Variants in RBM26 observed in about 807,000 individuals in gnomAD.
RBM26 encodes RNA-binding protein 26.
Under a neutral mutation model 123.6 loss-of-function variants are expected in RBM26, and 30 were observed. That is an observed-to-expected ratio of 0.24 (90% CI 0.18 to 0.33). The LOEUF is 0.33. Among genes scored for constraint, RBM26 ranks in the 10% least tolerant of loss-of-function variants. The pLI, the probability that RBM26 is intolerant of heterozygous loss-of-function variation, is 1.00. For missense variants in RBM26, 947 were observed against 1,203.6 expected (o/e 0.79, Z 3.15); for synonymous variants, 400 against 404.4 (o/e 0.99, Z 0.13).
intron 3 of RBM26, 138 bp from the exon 4 acceptor site, chr13:79,372,068 CG>C: frequency 3.3e-6 from 2 of 601,482 alleles, no homozygotes; most frequent in South Asian, 2.1e-5. Flanking sequence ...TTCACGAAGT[CG>C]GAAGTTCGAC....
At chr13:79,360,202 A>G (rs1312365254) in intron 9 of RBM26, among the ~76,000 whole-genome samples, 1 of 152,096 alleles carries the variant, frequency 6.6e-6, no homozygotes, top group Non-Finnish European at 1.5e-5. Flanking sequence ...AAACTTTATC[A>G]CAGGTGTGAC....
At chr13:79,377,151 C>T in intron 3 of RBM26, 1 of 410,944 alleles carries the variant, frequency 2.4e-6, no homozygotes. Context: ...TGGACTTGGC[C>T]TCATACACCT....
intron 20 of RBM26, among the ~76,000 whole-genome samples, chr13:79,329,986 C>A (rs2069041089): frequency 2.0e-5 from 3 of 152,114 alleles, no homozygotes; most frequent in South Asian, 2.1e-4. Context: ...TGAAATGATA[C>A]AGTGACTGTG....
chr13:79,344,918 T>C, intron 14 of RBM26, 124 bp from the exon 15 acceptor site: 2 of 773,566 alleles, frequency 2.6e-6, no homozygotes, highest in Non-Finnish European at 4.0e-6. Flanking sequence ...GAACTAAATG[T>C]ATTTTATACT....
intron 8 of RBM26, 141 bp from the exon 9 acceptor site, chr13:79,365,859 A>T: frequency 1.0e-6 from 1 of 957,810 alleles, no homozygotes; most frequent in Non-Finnish European, 1.5e-6. Flanking sequence ...AAATAACTTT[A>T]TTTAAAAAAG....
intron 20 of RBM26, among the ~76,000 whole-genome samples, chr13:79,331,604 C>T (rs1296028307): frequency 6.6e-6 from 1 of 151,840 alleles, no homozygotes; most frequent in African/African-American, 2.4e-5. Context: ...CCACTGCACT[C>T]CAGCCTGGGC....
chr13:79,322,247 G>A, intron 21 of RBM26, 102 bp downstream of exon 21: 2 of 691,100 alleles, frequency 2.9e-6, no homozygotes, highest in Non-Finnish European at 4.6e-6. Context: ...CTATGGGTCA[G>A]GAATAAAAGT....
intron 9 of RBM26, among the ~76,000 whole-genome samples, chr13:79,361,374 G>A (rs965614253): frequency 6.6e-6 from 1 of 151,872 alleles, no homozygotes; most frequent in African/African-American, 2.4e-5. Context: ...TTAAAAAAAA[G>A]AAACTCTCGT....
intron 1 of RBM26, among the ~76,000 whole-genome samples, chr13:79,390,286 G>A (rs1238396774): frequency 6.6e-6 from 1 of 152,010 alleles, no homozygotes; most frequent in African/African-American, 2.4e-5. Context: ...ATACAAAGAA[G>A]CAAACTACAG....
chr13:79,370,080 C>T (rs1292847664), intron 5 of RBM26, among the ~76,000 whole-genome samples: 2 of 152,094 alleles, frequency 1.3e-5, no homozygotes, highest in Non-Finnish European at 1.5e-5. Flanking sequence ...GAGGCTGAGG[C>T]GGGTGGATCA....
intron 3 of RBM26, chr13:79,377,107 C>G (rs1299596183): frequency 6.4e-6 from 2 of 314,692 alleles, no homozygotes; most frequent in Non-Finnish European, 1.2e-5. Context: ...CTGTGCAACT[C>G]TGAGGACTTT....
chr13:79,392,127 A>ATGTATAATTATG (rs2078099764), intron 1 of RBM26, among the ~76,000 whole-genome samples: 1 of 55,254 alleles, frequency 1.8e-5, no homozygotes, highest in African/African-American at 5.0e-5. Flanking sequence ...ATATAATTAT[A>ATGTATAATTATG]TATTATACAA....
chr13:79,322,955 T>C (rs1402129158), intron 20 of RBM26, among the ~76,000 whole-genome samples: 1 of 151,580 alleles, frequency 6.6e-6, no homozygotes, highest in East Asian at 1.9e-4. Flanking sequence ...TAATTTTGCA[T>C]GTGTAAAGTA....
At chr13:79,382,541 T>C (rs1199506475) in intron 1 of RBM26, among the ~76,000 whole-genome samples, 1 of 152,148 alleles carries the variant, frequency 6.6e-6, no homozygotes, top group African/African-American at 2.4e-5. Flanking sequence ...CAATTACTCT[T>C]CTGTGTGTGT....
intron 6 of RBM26, among the ~76,000 whole-genome samples, chr13:79,367,605 T>C (rs1182056425): frequency 6.6e-6 from 1 of 151,694 alleles, no homozygotes; most frequent in Non-Finnish European, 1.5e-5. Context: ...TAAAAGAGCA[T>C]GGCACCTCCC....
At chr13:79,349,931 C>T (rs61966654) in intron 14 of RBM26, among the ~76,000 whole-genome samples, 1 of 152,044 alleles carries the variant, frequency 6.6e-6, no homozygotes, top group Non-Finnish European at 1.5e-5. Flanking sequence ...CTCCTGACCT[C>T]GTGATCTGCC....
Position 79,368,849 on chromosome 13 carries a change from G to C in RBM26, c.776C>G (p.Ala259Gly), listed in dbSNP as rs774158013. The change falls in exon 6 of 22, where the codon GCT (alanine) becomes GGT (glycine). Residue 259 changes from alanine (A) to glycine (G), a missense_variant. By Grantham distance (60) the Ala-to-Gly change is moderately conservative. Transcript: ENST00000438737. Reference sequence around the variant, plus strand: ...AGTGTTGTTTCCATGATGAGTAGGAGCAATTACTGTAATAGTGCTGCTCAA... The same window carrying C: ...AGTGTTGTTTCCATGATGAGTAGGACCAATTACTGTAATAGTGCTGCTCAA... ...PTLSSTITVI[A>G]PTHHGNNTTE... is the part of the protein sequence containing the mutation. 6.2e-7 allele frequency: 1 copy of C among 1,613,878 alleles called. No homozygotes were observed. Among genetic ancestry groups the C allele is most frequent in the Admixed American group, 1.7e-5 (1 of 60,022 alleles).
chr13:79,403,704 G>A (rs2079248413), intron 1 of RBM26, among the ~76,000 whole-genome samples: 1 of 152,102 alleles, frequency 6.6e-6, no homozygotes, highest in Non-Finnish European at 1.5e-5. Context: ...AGTGGCAGAG[G>A]CAGAATTCAA....
Position 79,368,761 on chromosome 13 carries a change from G to T in RBM26, c.864C>A (p.Pro288=). 1 of 1,613,862 alleles carries T rather than the reference G, an allele frequency of 6.2e-7. No individual in the cohort carries two copies. Among genetic ancestry groups the T allele is most frequent in the East Asian group, 2.2e-5 (1 of 44,842 alleles). ...QVDHNSYVRP[P]MPKKRCRDYD... is the part of the protein sequence containing the mutation. ...AGTCTCTACACCGTTTCTTTGGCAT[G>T]GGTGGTCTTACGTAAGAGTTATGGT... Residue 288 remains proline, a synonymous_variant, in exon 6 of 22, where the codon CCC becomes CCA. Coordinates refer to ENST00000438737, the MANE Select transcript of RBM26 (RefSeq NM_001366735.2).
Sources: allele counts gnomAD v4.1 joint callset (sites outside exome capture counted in the v4.1 genomes callset), GRCh38; gene constraint gnomAD v4.1.1; transcripts MANE v1.5; gene names NCBI Gene and HGNC (gene_info 2026-07-23, HGNC 2026-07-21).